Variants in CEP112 observed in about 807,000 individuals in gnomAD.
CEP112 encodes the protein centrosomal protein 112, also known as centrosomal protein of 112 kDa.
Under a neutral mutation model 153.0 loss-of-function variants are expected in CEP112, and 127 were observed. The ratio of observed to expected loss-of-function variants is 0.83; its 90% confidence interval spans 0.72 to 0.96. The LOEUF is 0.96. CEP112 is among the 40% of genes least tolerant of loss of function. CEP112 has a pLI of 0.00. For synonymous variants in CEP112, 358 were observed against 374.4 expected, an observed-to-expected ratio of 0.96 and a Z score of 0.51; for missense variants, 1,089 against 1,101.2, an observed-to-expected ratio of 0.99 and a Z score of 0.16.
intron 21 of CEP112, among the ~76,000 whole-genome samples, chr17:65,847,601 A>C (rs2057775090): frequency 6.6e-6 from 1 of 152,130 alleles, no homozygotes; most frequent in Non-Finnish European, 1.5e-5. Flanking sequence ...TCATACCCGG[A>C]GGGCACCTGC....
At chr17:65,936,986 T>C (rs1438669713) in intron 18 of CEP112, among the ~76,000 whole-genome samples, 1 of 150,508 alleles carries the variant, frequency 6.6e-6, no homozygotes, top group Non-Finnish European at 1.5e-5. Context: ...TGACTGGTTT[T>C]CGTATTTTTT....
chr17:66,129,296 C>T (rs1405238869), intron 6 of CEP112, among the ~76,000 whole-genome samples: 1 of 152,092 alleles, frequency 6.6e-6, no homozygotes, highest in Non-Finnish European at 1.5e-5. Context: ...ACCTCTCTAC[C>T]TCTCCAAATA....
chr17:66,019,365 T>C (rs371765091), intron 16 of CEP112, among the ~76,000 whole-genome samples: 22 of 152,140 alleles, frequency 1.4e-4, no homozygotes, highest in Non-Finnish European at 2.6e-4. Context: ...TACAATTACA[T>C]AGTCCAGAGC....
intron 21 of CEP112, among the ~76,000 whole-genome samples, chr17:65,787,502 T>A (rs2054344632): frequency 6.6e-6 from 1 of 152,186 alleles, no homozygotes; most frequent in African/African-American, 2.4e-5. Flanking sequence ...TTTATTTTTG[T>A]CAGATAAATC....
chr17:65,749,828 T>C (rs2051709656), intron 22 of CEP112, among the ~76,000 whole-genome samples: 2 of 152,230 alleles, frequency 1.3e-5, no homozygotes, highest in South Asian at 4.1e-4. Context: ...GGTAGTATGG[T>C]AAATTCTAGT....
At chr17:66,083,013 A>G (rs916233495) in intron 8 of CEP112, among the ~76,000 whole-genome samples, 1 of 152,152 alleles carries the variant, frequency 6.6e-6, no homozygotes, top group African/African-American at 2.4e-5. Context: ...AAGGCTAAAT[A>G]TTTTAAGACT....
At chr17:66,057,160 C>T (rs73348414) in intron 11 of CEP112, among the ~76,000 whole-genome samples, 8,131 of 152,154 alleles carry the variant, frequency 0.053, 287 homozygotes, top group African/African-American at 0.087. Flanking sequence ...TATTGTGGGA[C>T]ATGGAATGAC....
chr17:65,829,631 G>A (rs1049647278), intron 21 of CEP112, among the ~76,000 whole-genome samples: 1 of 152,134 alleles, frequency 6.6e-6, no homozygotes, highest in African/African-American at 2.4e-5. Flanking sequence ...CATCAGAAAG[G>A]CTGCTTGGAA....
chr17:66,105,436 C>T (rs954694785), intron 6 of CEP112, among the ~76,000 whole-genome samples: 1 of 152,048 alleles, frequency 6.6e-6, no homozygotes, highest in Non-Finnish European at 1.5e-5. Context: ...CCTTACTTAT[C>T]AATAATAACA....
chr17:65,915,355 C>G (rs2060437174), intron 19 of CEP112, among the ~76,000 whole-genome samples: 1 of 152,100 alleles, frequency 6.6e-6, no homozygotes, highest in African/African-American at 2.4e-5. Flanking sequence ...CCCTGTCTCC[C>G]CCACCACTCC....
chr17:66,123,606 A>G (rs1364017550), intron 6 of CEP112, among the ~76,000 whole-genome samples: 1 of 152,210 alleles, frequency 6.6e-6, no homozygotes, highest in Non-Finnish European at 1.5e-5. Flanking sequence ...TAGGGAGCAC[A>G]TCTGTGGAGC....
At chr17:66,079,629 C>CT (rs923101613) in intron 8 of CEP112, among the ~76,000 whole-genome samples, 13 of 151,922 alleles carry the variant, frequency 8.6e-5, no homozygotes, top group African/African-American at 2.7e-4. Context: ...CTACCATTGA[C>CT]TTTTTTTTCA....
chr17:65,893,459 A>T (rs1170455380), intron 20 of CEP112, among the ~76,000 whole-genome samples: 2 of 152,088 alleles, frequency 1.3e-5, no homozygotes, highest in East Asian at 3.8e-4. Context: ...CCAATAAACA[A>T]ATATCCAAAA....
intron 17 of CEP112, among the ~76,000 whole-genome samples, chr17:65,970,540 A>AGC (rs2062690758): frequency 8.2e-6 from 1 of 122,532 alleles, no homozygotes; most frequent in East Asian, 3.3e-4. Flanking sequence ...ATAACACATG[A>AGC]ATATTACATG....
At chr17:65,809,255 G>C (rs191758676) in intron 21 of CEP112, among the ~76,000 whole-genome samples, 7 of 152,194 alleles carry the variant, frequency 4.6e-5, no homozygotes, top group Admixed American at 2.0e-4. Flanking sequence ...ATGTAACTGA[G>C]GGGGAGAGGA....
At chr17:65,846,621 C>T (rs1171866666) in intron 21 of CEP112, among the ~76,000 whole-genome samples, 4 of 152,136 alleles carry the variant, frequency 2.6e-5, no homozygotes, top group Non-Finnish European at 5.9e-5. Flanking sequence ...TAGGCTGAAG[C>T]ACAGTGGCGC....
intron 26 of CEP112, among the ~76,000 whole-genome samples, chr17:65,636,209 T>C (rs1404145633): frequency 6.6e-6 from 1 of 152,194 alleles, no homozygotes; most frequent in African/African-American, 2.4e-5. Flanking sequence ...GCCAAATAAG[T>C]AGTTCAGTCT....
In CEP112 at chr17:65,640,918, G is replaced by C. The variant is rs1598163053; in HGVS notation, c.2799+46C>G. 4 of 1,042,818 alleles carry C rather than the reference G, an allele frequency of 3.8e-6. No individual in the cohort carries two copies. The East Asian group carries it at 7.1e-5, about 19-fold the overall frequency. The allele number at this position is 1,042,818 out of a possible 1,614,324, so 64.6% of individuals were successfully genotyped here. ...AGATTTATTTGCAAGTTTCTTTTCA[G>C]AGTATCCCCTAAATCCTTGGAAAAT... is the stretch of plus-strand genomic sequence containing the variant. On this transcript the variant is annotated intron_variant, in intron 25 of 26. Coordinates refer to ENST00000535342, the MANE Select transcript of CEP112 (RefSeq NM_001199165.4).
chr17:65,793,628 GCTTTGCTAATA>G lies in CEP112; in HGVS notation c.2395-42915_2395-42905del, dbSNP rs571794484. Among the ~76,000 whole-genome samples, 417 of 152,288 alleles carry G rather than the reference GCTTTGCTAATA, an allele frequency of 2.7e-3. 1 individual carries two copies. The highest frequency in any genetic ancestry group is 3.6e-3 in the Non-Finnish European group (244 of 68,022). On this transcript the variant is annotated intron_variant, in intron 21 of 26. Transcript: ENST00000535342. ...ACAGGTGGCAAACTTACCTAAATCT[GCTTTGCTAATA>G]CTTTGAACATAGACACATTTTCCTT...
Sources: allele counts gnomAD v4.1 joint callset (sites outside exome capture counted in the v4.1 genomes callset), GRCh38; gene constraint gnomAD v4.1.1; transcripts MANE v1.5; gene names NCBI Gene and HGNC (gene_info 2026-07-23, HGNC 2026-07-21).